Variants in MAD1L1 observed in about 807,000 individuals in gnomAD.
The protein encoded by MAD1L1 is mitotic arrest deficient 1 like 1.
In MAD1L1, 95 loss-of-function variants were observed where a neutral mutation model predicts 96.9. The ratio of observed to expected loss-of-function variants is 0.98; its 90% CI spans 0.83 to 1.16. MAD1L1 has a LOEUF of 1.16. Among genes scored for constraint, MAD1L1 ranks in the 50% most tolerant of loss-of-function variants. The pLI is 0.00. For missense variants in MAD1L1, 1,007 were observed against 954.4 expected, an observed-to-expected ratio of 1.06 and a Z score of -0.73; for synonymous variants, 473 against 396.6, an observed-to-expected ratio of 1.19 and a Z score of -2.29.
At chr7:2,228,150 T>C (rs1794004745) in intron 3 of MAD1L1, among the ~76,000 whole-genome samples, 1 of 151,766 alleles carries the variant, frequency 6.6e-6, no homozygotes, top group Non-Finnish European at 1.5e-5. Context: ...ACTGATCCCC[T>C]CACCGAGAGG....
At chr7:2,020,511 G>A (rs2128501213) in intron 12 of MAD1L1, among the ~76,000 whole-genome samples, 1 of 152,338 alleles carries the variant, frequency 6.6e-6, no homozygotes, top group Admixed American at 6.5e-5. Flanking sequence ...TGACATCATG[G>A]GAACAAGCTA....
At chr7:2,167,352 C>A (rs568004974) in intron 10 of MAD1L1, among the ~76,000 whole-genome samples, 199 of 151,074 alleles carry the variant, frequency 1.3e-3, no homozygotes, top group Non-Finnish European at 2.3e-3. Flanking sequence ...TAGAGACCAT[C>A]CTGGCTAACA....
chr7:2,194,646 T>C (rs955871086), intron 10 of MAD1L1, among the ~76,000 whole-genome samples: 4 of 152,168 alleles, frequency 2.6e-5, no homozygotes, highest in South Asian at 2.1e-4. Context: ...CCCAGCCCTT[T>C]ACAGAAAAAA....
At chr7:2,160,959 T>C (rs1193889964) in intron 10 of MAD1L1, among the ~76,000 whole-genome samples, 1 of 152,112 alleles carries the variant, frequency 6.6e-6, no homozygotes, top group Non-Finnish European at 1.5e-5. Context: ...GAAAATCTAA[T>C]TATAAACATT....
chr7:1,852,446 C>CA, intron 18 of MAD1L1, among the ~76,000 whole-genome samples: 1 of 152,280 alleles, frequency 6.6e-6, no homozygotes, highest in South Asian at 2.1e-4. Context: ...TGGGGGGAGT[C>CA]CAGGCTCAGG....
rs1180943619 is a variant in MAD1L1, at chr7:2,217,978, T to C, written c.662A>G (p.His221Arg). ...GTGACTCACCTTAATCTGCTGCTCGTGGTCTGCTCTTGCTTCTTGGCTGGC... is the reference window on the plus strand; with the variant it reads ...GTGACTCACCTTAATCTGCTGCTCGCGGTCTGCTCTTGCTTCTTGGCTGGC... ...LQASQEARAD[H>R]EQQIKDLEQK... Residue 221 changes from histidine (H) to arginine (R), a missense_variant, in exon 7 of 19, where the codon CAC becomes CGC. Physicochemically the swap from His to Arg is conservative, Grantham distance 29. Coordinates refer to ENST00000265854, the MANE Select transcript of MAD1L1 (RefSeq NM_001013836.2). 6 of 1,614,018 alleles carry C rather than the reference T, an allele frequency of 3.7e-6. No homozygotes were observed. Among genetic ancestry groups the C allele is most frequent in the Middle Eastern group, 1.7e-4 (1 of 6,060 alleles).
chr7:1,976,686 C>T (rs1166732725), intron 15 of MAD1L1, among the ~76,000 whole-genome samples: 1 of 152,210 alleles, frequency 6.6e-6, no homozygotes, highest in Non-Finnish European at 1.5e-5. Flanking sequence ...TGCTGATTGG[C>T]CCATTTTACA....
rs1486164464 is a variant in MAD1L1, at chr7:2,069,191, C to A, written c.1218+3G>T. 1.3e-6 allele frequency: 2 copies of A among 1,586,616 alleles called. No homozygotes were observed. Among genetic ancestry groups the A allele is most frequent in the East Asian group, 2.3e-5 (1 of 43,626 alleles). On this transcript the variant is annotated splice_donor_region_variant and intron_variant, in intron 12 of 18. Coordinates refer to ENST00000265854, the MANE Select transcript of MAD1L1 (RefSeq NM_001013836.2). ...CTGATCAAGATGTAAGGGCATACATCACCTTGGTGAGCAGCAGGACCCGTT... is the reference window on the plus strand; with the variant it reads ...CTGATCAAGATGTAAGGGCATACATAACCTTGGTGAGCAGCAGGACCCGTT...
In MAD1L1 at chr7:2,114,377, C is replaced by A; in HGVS notation, c.1073+34775G>T. On this transcript the variant is annotated intron_variant, in intron 11 of 18. Coordinates refer to ENST00000265854, the MANE Select transcript of MAD1L1 (RefSeq NM_001013836.2). This position sits in a 1 kb window ranked among gnomAD's most constrained non-coding sequence, Gnocchi z 4.2. ...TACACAGAGCACAGCTCCCACCCTG[C>A]AGCACCGCCCAGCCGGGGCCAACAC... is the stretch of plus-strand genomic sequence containing the variant. 6.6e-6 allele frequency among the ~76,000 whole-genome samples: 1 copy of A among 152,236 alleles called. No individual in the cohort carries two copies. Among genetic ancestry groups the A allele is most frequent in the East Asian group, 1.9e-4 (1 of 5,200 alleles).
intron 12 of MAD1L1, among the ~76,000 whole-genome samples, chr7:2,062,564 G>C (rs560639233): frequency 1.3e-5 from 2 of 152,210 alleles, no homozygotes; most frequent in African/African-American, 4.8e-5. Flanking sequence ...AACAAAGAGA[G>C]ACTCTGTCTC....
intron 11 of MAD1L1, among the ~76,000 whole-genome samples, chr7:2,113,763 G>A (rs1484672722): frequency 6.6e-6 from 1 of 152,140 alleles, no homozygotes; most frequent in Non-Finnish European, 1.5e-5. Flanking sequence ...CACCCAGAGG[G>A]ACATGACATC....
intron 10 of MAD1L1, among the ~76,000 whole-genome samples, chr7:2,158,380 A>T (rs192960869): frequency 6.2e-4 from 94 of 152,332 alleles, no homozygotes; most frequent in Admixed American, 1.1e-3. Flanking sequence ...AAATGAATGA[A>T]ACAGCAACAG....
chr7:2,142,568 C>T lies in MAD1L1; in HGVS notation c.1073+6584G>A, dbSNP rs1263453695. On this transcript the variant is annotated intron_variant, in intron 11 of 18. Coordinates refer to ENST00000265854, the MANE Select transcript of MAD1L1 (RefSeq NM_001013836.2). This position sits in a 1 kb window ranked among gnomAD's most constrained non-coding sequence, Gnocchi z 4.7. Reference sequence around the variant, plus strand: ...CCCACGGTGAAGGGCACGGTGCCACCCAGAGCTCCTGGCGCGTGCCCTGCC... The same window carrying T: ...CCCACGGTGAAGGGCACGGTGCCACTCAGAGCTCCTGGCGCGTGCCCTGCC... Among the ~76,000 whole-genome samples, 1 of 152,196 alleles carries T rather than the reference C, an allele frequency of 6.6e-6. No homozygotes were observed. The highest frequency in any genetic ancestry group is 1.9e-4 in the East Asian group (1 of 5,198).
chr7:1,827,466 C>T (rs1424362155), intron 18 of MAD1L1, among the ~76,000 whole-genome samples: 9 of 94,086 alleles, frequency 9.6e-5, no homozygotes, highest in Admixed American at 4.0e-4. Context: ...CTGAGCCCGT[C>T]GCGGGTGTGG....
At chr7:1,873,184 G>A (rs1785197941) in intron 18 of MAD1L1, among the ~76,000 whole-genome samples, 1 of 152,202 alleles carries the variant, frequency 6.6e-6, no homozygotes, top group Admixed American at 6.5e-5. Context: ...TTCATAAGGG[G>A]GGCCTTGACC....
At chr7:2,091,906 T>C (rs1416375896) in intron 11 of MAD1L1, among the ~76,000 whole-genome samples, 3 of 152,224 alleles carry the variant, frequency 2.0e-5, no homozygotes, top group Non-Finnish European at 4.4e-5. Context: ...GGTGTTGTGG[T>C]GCTTCTGGTT....
intron 16 of MAD1L1, among the ~76,000 whole-genome samples, chr7:1,940,933 C>CCACT (rs1778928747): frequency 1.4e-5 from 1 of 69,146 alleles, no homozygotes; most frequent in Non-Finnish European, 3.4e-5. Context: ...GACCCTCCTC[C>CCACT]CCCAGGCCTC....
At chr7:2,008,224 C>T (rs939942) in intron 13 of MAD1L1, among the ~76,000 whole-genome samples, 150,855 of 152,346 alleles carry the variant, frequency 0.99, 74,709 homozygotes, top group Middle Eastern at 1. Flanking sequence ...CGTGTGTGCA[C>T]TGGAGAGCAG....
intron 11 of MAD1L1, among the ~76,000 whole-genome samples, chr7:2,072,179 C>A (rs1158829228): frequency 6.6e-6 from 1 of 152,310 alleles, no homozygotes; most frequent in East Asian, 1.9e-4. Flanking sequence ...GACAGCACCT[C>A]CAGGTAGACA....
Sources: gnomAD v4.1 joint callset for allele counts (sites outside exome capture counted in the v4.1 genomes callset) on GRCh38, gnomAD v4.1.1 for gene constraint, Gnocchi (gnomAD v3.1) non-coding constraint, MANE v1.5 for transcripts, NCBI Gene and HGNC (gene_info 2026-07-23, HGNC 2026-07-21) for gene names.